ALS2CL: variants seen among roughly 807,000 people sequenced by gnomAD.
ALS2CL encodes the protein ALS2 C-terminal-like protein.
A neutral mutation model predicts 127.9 loss-of-function variants in ALS2CL; 112 were observed. The observed-to-expected ratio is 0.88, with a 90% CI of 0.75 to 1.02. ALS2CL has a LOEUF of 1.02. Ranked by LOEUF, ALS2CL falls within the 50% of genes least tolerant of loss-of-function variation. ALS2CL has a pLI of 0.00. For missense variants in ALS2CL, 1,174 were observed against 1,236.7 expected, an observed-to-expected ratio of 0.95 and a Z score of 0.76; for synonymous variants, 519 against 527.6, an observed-to-expected ratio of 0.98 and a Z score of 0.22.
chr3:46,673,495 G>C (rs1431337969), intron 21 of ALS2CL, 114 bp from the exon 22 acceptor site: 5 of 1,117,884 alleles, frequency 4.5e-6, no homozygotes, highest in Non-Finnish European at 6.4e-6. Context: ...GTCCTGAAAA[G>C]GGGAAGGAGA....
Position 46,670,745 on chromosome 3 carries a change from T to G in ALS2CL, c.*239A>C. On this transcript the variant is annotated 3_prime_UTR_variant, in exon 26 of 26. Coordinates refer to ENST00000318962, the MANE Select transcript of ALS2CL (RefSeq NM_147129.5). This position sits in a 1 kb window ranked among gnomAD's most constrained non-coding sequence, Gnocchi z 5.5. ...CCCCCAGCCTGTGAGCTGCTGCAGA[T>G]TAAGGGGTCATTGAAGATGGGCTAG... The G allele has an allele frequency of 8.1e-6, 4 of 492,038 alleles. No individual in the cohort carries two copies. The highest frequency in any genetic ancestry group is 3.2e-5 in the Admixed American group (1 of 30,848). The allele number at this position is 492,038 out of a possible 1,614,324, so 30.5% of individuals were successfully genotyped here. A position where few individuals can be genotyped will look rare whatever the true frequency, so the allele number is the denominator to read the frequency against.
Position 46,681,752 on chromosome 3 carries a change from C to T in ALS2CL, c.1176-154G>A, listed in dbSNP as rs954306092. Among the ~76,000 whole-genome samples, 2 of 152,106 alleles carry T rather than the reference C, an allele frequency of 1.3e-5. No individual in the cohort carries two copies. The highest frequency in any genetic ancestry group is 4.8e-5 in the African/African-American group (2 of 41,416). ...CTCAGCCTTCCTATCCTTCAAAGGG[C>T]CCCTCTCAGGACCCCTCCCTCCAGC... is the stretch of plus-strand genomic sequence containing the variant. On this transcript the variant is annotated intron_variant, in intron 11 of 25. Coordinates refer to ENST00000318962, the MANE Select transcript of ALS2CL (RefSeq NM_147129.5). The surrounding 1 kb of genome is among the most constrained non-coding windows in gnomAD (Gnocchi z 4.9).
At chr3:46,684,123 C>T in intron 7 of ALS2CL, 76 bp from the exon 8 acceptor site, 1 of 1,496,236 alleles carries the variant, frequency 6.7e-7, no homozygotes, top group Non-Finnish European at 9.1e-7. Flanking sequence ...AGGCTTGCCC[C>T]AAGCTCAACC....
chr3:46,675,695 C>T lies in ALS2CL; in HGVS notation c.2187-9G>A. On this transcript the variant is annotated splice_polypyrimidine_tract_variant and intron_variant, in intron 19 of 25. Transcript: ENST00000318962. Reference sequence around the variant, plus strand: ...CAACTCGCAGCAGACCCCTGTGAGTCAATGAGAGAGAAATGGTGTGGCTGC... The same window carrying T: ...CAACTCGCAGCAGACCCCTGTGAGTTAATGAGAGAGAAATGGTGTGGCTGC... 1 of 1,613,432 alleles carries T rather than the reference C, an allele frequency of 6.2e-7. No individual in the cohort carries two copies. Among genetic ancestry groups the T allele is most frequent in the Non-Finnish European group, 8.5e-7 (1 of 1,180,006 alleles).
rs377194325 is a variant in ALS2CL at position 46,672,127 on chromosome 3, G to A, written c.2534+13C>T. 21 of 1,614,058 alleles carry A rather than the reference G, an allele frequency of 1.3e-5. No individual in the cohort carries two copies. The East Asian group carries it at 1.3e-4, about 10-fold the overall frequency. On this transcript the variant is annotated intron_variant, in intron 23 of 25. Coordinates refer to ENST00000318962, the MANE Select transcript of ALS2CL (RefSeq NM_147129.5). ...TGCCTCCGGACCCCCAACCCACTAC[G>A]GCTCACACTCACATGATCTTCTGCA... is the stretch of plus-strand genomic sequence containing the variant.
At position 46,676,394 on chromosome 3, in the gene ALS2CL, G is replaced by A. The variant is rs1240313358; in HGVS notation, c.2037C>T (p.Ser679=). 1.1e-5 allele frequency: 17 copies of A among 1,613,770 alleles called. No homozygotes were observed. Among genetic ancestry groups the A allele is most frequent in the Non-Finnish European group, 1.4e-5 (17 of 1,180,006 alleles). ...ALQLYLRKAL[S]NSLHPLGKLL... is the part of the protein sequence containing the mutation. ...GCTTTCCCAGGGGGTGCAGTGAGTT[G>A]CTCAGAGCCTGGGCCAGTGCATAGG... Residue 679 remains serine (S), a synonymous_variant, in exon 19 of 26, where the codon AGC becomes AGT. Coordinates refer to ENST00000318962, the MANE Select transcript of ALS2CL (RefSeq NM_147129.5).
intron 20 of ALS2CL, chr3:46,674,949 C>A: frequency 2.1e-6 from 1 of 479,944 alleles, no homozygotes; most frequent in East Asian, 3.5e-5. Context: ...ACTTTGACAA[C>A]CAAGATGGCA....
At chr3:46,693,413 G>A (rs1318380038) in intron 1 of ALS2CL, 1 of 152,412 alleles carries the variant, frequency 6.6e-6, no homozygotes, top group Admixed American at 6.5e-5. Flanking sequence ...CTCAGGTCAG[G>A]CCCGGGGCGC....
At chr3:46,677,090 C>T (rs886424058) in intron 16 of ALS2CL, 68 bp from the exon 17 acceptor site, 44 of 1,526,364 alleles carry the variant, frequency 2.9e-5, no homozygotes, top group Admixed American at 2.2e-4. Flanking sequence ...AGGACTCTGC[C>T]CAGGCCCTTG....
At chr3:46,677,361 C>A in intron 16 of ALS2CL, 1 of 1,114,788 alleles carries the variant, frequency 9.0e-7, no homozygotes, top group Non-Finnish European at 1.1e-6. Flanking sequence ...GTCTGGGATT[C>A]CCCTCCAAGA....
intron 1 of ALS2CL, among the ~76,000 whole-genome samples, chr3:46,691,035 A>C (rs181956024): frequency 6.6e-6 from 1 of 152,200 alleles, no homozygotes; most frequent in African/African-American, 2.4e-5. Flanking sequence ...AAGCCACCAG[A>C]CACCCAGCTG....
chr3:46,675,409 C>T, intron 20 of ALS2CL: 1 of 571,910 alleles, frequency 1.7e-6, no homozygotes, highest in Non-Finnish European at 3.1e-6. Context: ...GCATTCAATG[C>T]ATTGTAGCAG....
Position 46,686,481 on chromosome 3 carries a change from G to GA in ALS2CL, c.535-43dup. On this transcript the variant is annotated intron_variant, in intron 5 of 25. Transcript: ENST00000318962. This position sits in a 1 kb window ranked among gnomAD's most constrained non-coding sequence, Gnocchi z 4.3. The stretch of plus-strand genomic sequence containing the variant: ...CAGCCAGTGAGAGGAGAGCTTACTG[G>GA]AATCTTCCCTAGCCCAGTCCTGGTC... 6.3e-7 allele frequency: 1 copy of GA among 1,595,216 alleles called. No individual in the cohort carries two copies. The highest frequency in any genetic ancestry group is 8.5e-7 in the Non-Finnish European group (1 of 1,170,188).
chr3:46,682,435 C>T (rs868531641), intron 10 of ALS2CL, among the ~76,000 whole-genome samples: 60 of 152,326 alleles, frequency 3.9e-4, no homozygotes, highest in African/African-American at 1.3e-3. Context: ...TTTCTACCAC[C>T]CTCCTCCCCA....
At chr3:46,675,465 TA>T in intron 20 of ALS2CL, 152 bp downstream of exon 20, 1 of 724,822 alleles carries the variant, frequency 1.4e-6, no homozygotes, top group Non-Finnish European at 2.3e-6. Flanking sequence ...TGGGTCATTC[TA>T]ATCCACAAAC....
chr3:46,685,705 A>T (rs1488964606), intron 6 of ALS2CL, 61 bp from the exon 7 acceptor site: 8 of 1,556,408 alleles, frequency 5.1e-6, no homozygotes, highest in Non-Finnish European at 6.1e-6. Context: ...GCTGCCTGCC[A>T]CTCTGCCACC....
In ALS2CL at chr3:46,687,068, A is replaced by G; in HGVS notation, c.449T>C (p.Leu150Pro). Reference protein sequence around the residue: ...VSSEGSVGASLGQALHQPLAH... With the variant: ...VSSEGSVGASPGQALHQPLAH... ...GAGTGGCTGGTGGAGGGCCTGGCCC[A>G]GCGATGCGCCCACCGAGCCCTCTGA... is the stretch of plus-strand genomic sequence containing the variant. Residue 150 changes from leucine to proline, a missense_variant, in exon 5 of 26, where the codon CTG becomes CCG. By Grantham distance (98) the Leu-to-Pro change is moderately conservative. Transcript: ENST00000318962. 2 of 1,595,370 alleles carry G rather than the reference A, an allele frequency of 1.3e-6. No homozygotes were observed. The highest frequency in any genetic ancestry group is 1.7e-5 in the Admixed American group (1 of 58,866).
chr3:46,683,279 A>G lies in ALS2CL; in HGVS notation c.960T>C (p.His320=). 6.2e-7 allele frequency: 1 copy of G among 1,605,914 alleles called. No individual in the cohort carries two copies. The highest frequency in any genetic ancestry group is 8.5e-7 in the Non-Finnish European group (1 of 1,176,188). The change falls in exon 10 of 26, where the codon CAT becomes CAC. Residue 320 remains histidine, a synonymous_variant. Transcript: ENST00000318962. ...CCAGCACGGGGAAGTCCTTCTTCCCATGCAGGGCCTGGTGAACAGCCCAGG... is the reference window on the plus strand; with the variant it reads ...CCAGCACGGGGAAGTCCTTCTTCCCGTGCAGGGCCTGGTGAACAGCCCAGG... The part of the protein sequence containing the change: ...KVTWAVHQAL[H]GKKDFPVLGA...
chr3:46,675,688 T>C lies in ALS2CL; in HGVS notation c.2187-2A>G, dbSNP rs1698760403. On this transcript the variant is annotated splice_acceptor_variant, in intron 19 of 25. Transcript: ENST00000318962. LOFTEE classifies it high-confidence loss of function. ...TCTAAGGCAACTCGCAGCAGACCCCTGTGAGTCAATGAGAGAGAAATGGTG... is the reference window on the plus strand; with the variant it reads ...TCTAAGGCAACTCGCAGCAGACCCCCGTGAGTCAATGAGAGAGAAATGGTG... 1.9e-6 allele frequency: 3 copies of C among 1,613,428 alleles called. No homozygotes were observed. The South Asian group carries it at 3.3e-5, about 18-fold the overall frequency.
Sources: allele counts gnomAD v4.1 joint callset (sites outside exome capture counted in the v4.1 genomes callset), GRCh38; gene constraint gnomAD v4.1.1; non-coding constraint Gnocchi (gnomAD v3.1); transcripts MANE v1.5; gene names NCBI Gene and HGNC (gene_info 2026-07-23, HGNC 2026-07-21).